ADAMTS20: variants seen among roughly 807,000 people sequenced by gnomAD.
ADAMTS20 encodes the protein A disintegrin and metalloproteinase with thrombospondin motifs 20.
Under a neutral mutation model 260.1 loss-of-function variants are expected in ADAMTS20, and 225 were observed. The observed-to-expected ratio is 0.87, with a 90% CI of 0.78 to 0.97. ADAMTS20 has a LOEUF of 0.97. ADAMTS20 is among the 50% of genes least tolerant of loss of function. The probability of loss-of-function intolerance (pLI) is 0.00; values close to 1 mark genes in which losing one functional copy is unlikely to be tolerated. For missense variants in ADAMTS20, 2,400 were observed against 2,337.7 expected (o/e 1.03, Z -0.55); for synonymous variants, 802 against 769.5 (o/e 1.04, Z -0.70).
rs1418475775 is a variant in ADAMTS20 at position 43,551,479 on chromosome 12, A to C, written c.92-209T>G. 6.6e-6 allele frequency among the ~76,000 whole-genome samples: 1 copy of C among 151,390 alleles called. No homozygotes were observed. The highest frequency in any genetic ancestry group is 1.9e-4 in the East Asian group (1 of 5,136). On this transcript the variant is annotated intron_variant, in intron 1 of 38. Transcript: ENST00000389420. This position sits in a 1 kb window ranked among gnomAD's most constrained non-coding sequence, Gnocchi z 4.6. ...CTTTCCCACACCCCCAACTTGCCCT[A>C]CCCTCCCCAAGCAAAGACCCTACCA...
At chr12:43,439,582 GCA>G (rs1941619722) in intron 18 of ADAMTS20, 38 bp downstream of exon 18, 7 of 1,572,752 alleles carry the variant, frequency 4.5e-6, no homozygotes, top group East Asian at 4.5e-5. Context: ...ATGCCAGAAT[GCA>G]CAGTCAGTCT....
intron 3 of ADAMTS20, among the ~76,000 whole-genome samples, chr12:43,522,972 A>G (rs1349573463): frequency 6.6e-6 from 1 of 152,222 alleles, no homozygotes; most frequent in Non-Finnish European, 1.5e-5. Flanking sequence ...AAAACTATCA[A>G]CAGAAATACT....
At chr12:43,397,002 G>A (rs903108924) in intron 29 of ADAMTS20, among the ~76,000 whole-genome samples, 3 of 152,132 alleles carry the variant, frequency 2.0e-5, no homozygotes, top group Non-Finnish European at 4.4e-5. Context: ...ATCTGTGGCC[G>A]TTCATATTCA....
chr12:43,516,536 T>C (rs959208656), intron 3 of ADAMTS20, among the ~76,000 whole-genome samples: 3 of 152,210 alleles, frequency 2.0e-5, no homozygotes, highest in African/African-American at 7.2e-5. Context: ...CTATTTTAGA[T>C]AGAAAAAGTT....
intron 7 of ADAMTS20, among the ~76,000 whole-genome samples, chr12:43,484,013 G>A (rs565132984): frequency 2.6e-5 from 4 of 152,132 alleles, no homozygotes; most frequent in Middle Eastern, 3.4e-3. Flanking sequence ...ACATCACTAC[G>A]ACTACCAGCA....
intron 14 of ADAMTS20, among the ~76,000 whole-genome samples, chr12:43,449,962 T>C (rs1411270157): frequency 6.6e-6 from 1 of 152,152 alleles, no homozygotes; most frequent in Non-Finnish European, 1.5e-5. Context: ...ATACCCACTG[T>C]CATTTGAAAA....
Position 43,505,881 on chromosome 12 carries a change from G to A in ADAMTS20, c.614-3476C>T, listed in dbSNP as rs544938132. On this transcript the variant is annotated intron_variant, in intron 3 of 38. Coordinates refer to ENST00000389420, the MANE Select transcript of ADAMTS20 (RefSeq NM_025003.5). The stretch of plus-strand genomic sequence containing the variant: ...CAGTATTATTTACAATAGCTAAGAA[G>A]TAGAAGCAACCCAAATGTCCATTGA... 2.0e-5 allele frequency among the ~76,000 whole-genome samples: 3 copies of A among 152,322 alleles called. No individual in the cohort carries two copies. The East Asian group carries it at 5.8e-4, about 29-fold the overall frequency.
At chr12:43,502,482 C>A in intron 3 of ADAMTS20, 77 bp from the exon 4 acceptor site, 1 of 1,361,120 alleles carries the variant, frequency 7.3e-7, no homozygotes, top group Non-Finnish European at 1.0e-6. Context: ...ATAGAACAGC[C>A]AAAAATATTT....
In ADAMTS20 at chr12:43,354,350, T is replaced by C. The variant is rs555943722; in HGVS notation, c.5644-52A>G. 190 of 1,346,264 alleles carry C rather than the reference T, an allele frequency of 1.4e-4. 1 individual carries two copies. The highest frequency in any genetic ancestry group is 9.0e-5 in the South Asian group (7 of 78,210). 83.4% of individuals were successfully genotyped at this position (1,346,264 alleles called of 1,614,324 possible). On this transcript the variant is annotated intron_variant, in intron 38 of 38. Coordinates refer to ENST00000389420, the MANE Select transcript of ADAMTS20 (RefSeq NM_025003.5). Reference sequence around the variant, plus strand: ...AGAATCTTATACAAGCTGGTATCTGTATGCAAATAGCAGAAAAAGCAAATG... The same window carrying C: ...AGAATCTTATACAAGCTGGTATCTGCATGCAAATAGCAGAAAAAGCAAATG...
At chr12:43,400,579 GA>G (rs1442639094) in intron 28 of ADAMTS20, among the ~76,000 whole-genome samples, 2 of 151,716 alleles carry the variant, frequency 1.3e-5, no homozygotes, top group African/African-American at 4.8e-5. Context: ...GTTGTATTAA[GA>G]TACATTCTTT....
In ADAMTS20 at chr12:43,551,253, G is replaced by C; in HGVS notation, c.109C>G (p.Leu37Val). 6.2e-7 allele frequency: 1 copy of C among 1,613,384 alleles called. No homozygotes were observed. The highest frequency in any genetic ancestry group is 1.7e-5 in the Admixed American group (1 of 60,004). Residue 37 changes from leucine (L) to valine (V), a missense_variant, in exon 2 of 39, where the codon CTG becomes GTG. Coordinates refer to ENST00000389420, the MANE Select transcript of ADAMTS20 (RefSeq NM_025003.5). This position sits in a 1 kb window ranked among gnomAD's most constrained non-coding sequence, Gnocchi z 4.6. ...HPRQEALVRT[L>V]TSYEVVIPER... ...GGGATCACTACTTCGTAGGAGGTCA[G>C]TGTCCTCACCAGGGCTTCTGCAACA...
intron 37 of ADAMTS20, among the ~76,000 whole-genome samples, chr12:43,369,023 G>A (rs1406894673): frequency 2.0e-5 from 3 of 151,952 alleles, no homozygotes; most frequent in African/African-American, 4.8e-5. Context: ...TGGACTAAAC[G>A]GAAAGATGAA....
chr12:43,355,381 A>G (rs1939722762), intron 38 of ADAMTS20, among the ~76,000 whole-genome samples: 2 of 152,240 alleles, frequency 1.3e-5, no homozygotes, highest in Non-Finnish European at 2.9e-5. Flanking sequence ...TCAGATTTCA[A>G]GAACTAGTTA....
At chr12:43,448,638 G>T (rs1384672468) in intron 14 of ADAMTS20, among the ~76,000 whole-genome samples, 2 of 152,084 alleles carry the variant, frequency 1.3e-5, no homozygotes, top group Non-Finnish European at 2.9e-5. Flanking sequence ...ACTGGAAAAT[G>T]AGATCTAGCT....
At position 43,431,459 on chromosome 12, in the gene ADAMTS20, T is replaced by A; in HGVS notation, c.3134A>T (p.Gln1045Leu). The change falls in exon 22 of 39, where the codon CAG becomes CTG. Residue 1045 changes from glutamine to leucine, a missense_variant. Coordinates refer to ENST00000389420, the MANE Select transcript of ADAMTS20 (RefSeq NM_025003.5). ...ATCTACATTCAGCTGACACCATACC[T>A]GCCGCTGCTTTGTTCCTTTACCACA... ...VTCGKGTKQR[Q>L]VWCQLNVDHL... 1 of 1,613,992 alleles carries A rather than the reference T, an allele frequency of 6.2e-7. No individual in the cohort carries two copies. Among genetic ancestry groups the A allele is most frequent in the Non-Finnish European group, 8.5e-7 (1 of 1,179,872 alleles).
intron 3 of ADAMTS20, among the ~76,000 whole-genome samples, chr12:43,525,473 A>G (rs1403037578): frequency 1.3e-5 from 2 of 152,192 alleles, no homozygotes; most frequent in South Asian, 4.1e-4. Flanking sequence ...CAACGAAAAA[A>G]GTATCTAGGT....
intron 38 of ADAMTS20, 145 bp downstream of exon 38, chr12:43,356,339 T>C: frequency 4.0e-6 from 2 of 500,104 alleles, no homozygotes; most frequent in South Asian, 4.0e-5. Flanking sequence ...AATGTTGTGC[T>C]CCATTATATG....
intron 2 of ADAMTS20, among the ~76,000 whole-genome samples, chr12:43,549,357 G>C (rs192741104): frequency 5.9e-5 from 9 of 152,064 alleles, no homozygotes; most frequent in African/African-American, 1.4e-4. Flanking sequence ...ACAGTGACTA[G>C]AGAGTTATGA....
At chr12:43,440,146 T>C in intron 16 of ADAMTS20, 77 bp from the exon 17 acceptor site, 1 of 935,834 alleles carries the variant, frequency 1.1e-6, no homozygotes, top group Non-Finnish European at 1.5e-6. Context: ...TAACTTTTTT[T>C]TTTTTTTTTT....
Sources: gnomAD v4.1 joint callset for allele counts (sites outside exome capture counted in the v4.1 genomes callset) on GRCh38, gnomAD v4.1.1 for gene constraint, Gnocchi (gnomAD v3.1) non-coding constraint, MANE v1.5 for transcripts, NCBI Gene and HGNC (gene_info 2026-07-23, HGNC 2026-07-21) for gene names.